IGSF9B: variants seen among roughly 807,000 people sequenced by gnomAD.
IGSF9B encodes protein turtle homolog B.
A neutral mutation model predicts 143.7 loss-of-function variants in IGSF9B; 48 were observed. The observed-to-expected ratio is 0.33, with a 90% CI of 0.26 to 0.42. The LOEUF is 0.42. IGSF9B is among the 20% of genes least tolerant of loss of function. IGSF9B has a pLI of 1.00. For synonymous variants in IGSF9B, 903 were observed against 833.1 expected (o/e 1.08, Z -1.44); for missense variants, 1,706 against 1,980.0 (o/e 0.86, Z 2.63).
rs1464520446 is a variant in IGSF9B at position 133,907,056 on chromosome 11, GC to G, written c.*2012del. ...GCCCAGTGGTCAAGTGGATTCCAAC[GC>G]CCCAGAGAAGCACATCAACTGGAAG... On this transcript the variant is annotated 3_prime_UTR_variant, in exon 20 of 20. Coordinates refer to ENST00000533871, the MANE Select transcript of IGSF9B (RefSeq NM_001277285.4). Among the ~76,000 whole-genome samples the G allele has an allele frequency of 6.6e-6, 1 of 152,098 alleles. No individual in the cohort carries two copies. Among genetic ancestry groups the G allele is most frequent in the Non-Finnish European group, 1.5e-5 (1 of 68,028 alleles).
In IGSF9B at chr11:133,925,767, C is replaced by T; in HGVS notation, c.2006G>A (p.Gly669Glu). The T allele has an allele frequency of 6.2e-7, 1 of 1,613,704 alleles. No individual in the cohort carries two copies. The highest frequency in any genetic ancestry group is 1.7e-5 in the Admixed American group (1 of 59,992). ...LLDDGIPGTE[G>E]EFFAKDLSQD... The stretch of plus-strand genomic sequence containing the variant: ...TGACAGATCCTTGGCAAAGAACTCT[C>T]CTTCGGTGCCGGGGATGCCATCGTC... The change falls in exon 14 of 20, where the codon GGA (glycine) becomes GAA (glutamate). Residue 669 changes from glycine (G) to glutamate (E), a missense_variant. By Grantham distance (98) the Gly-to-Glu change is moderately conservative. Coordinates refer to ENST00000533871, the MANE Select transcript of IGSF9B (RefSeq NM_001277285.4).
intron 3 of IGSF9B, among the ~76,000 whole-genome samples, chr11:133,941,324 A>G (rs1939953096): frequency 6.6e-6 from 1 of 152,186 alleles, no homozygotes; most frequent in South Asian, 2.1e-4. Flanking sequence ...GGGGTATTTT[A>G]TATGTGATAA....
At chr11:133,951,136 G>A (rs893641594) in intron 1 of IGSF9B, among the ~76,000 whole-genome samples, 8 of 152,180 alleles carry the variant, frequency 5.3e-5, no homozygotes, top group African/African-American at 1.4e-4. Flanking sequence ...GGAGGAAGGC[G>A]GGACCCAAAG....
chr11:133,931,367 G>A lies in IGSF9B; in HGVS notation c.1368+86C>T, dbSNP rs329671. ...ACACCTCCCCTCAGCCCCGGGGCTC[G>A]CTGGGCCCTCAAACCTCCCCGCAGC... On this transcript the variant is annotated intron_variant, in intron 10 of 19. Transcript: ENST00000533871. This position sits in a 1 kb window ranked among gnomAD's most constrained non-coding sequence, Gnocchi z 7.7. The A allele has an allele frequency of 0.33, 331,311 of 989,458 alleles. 57,689 individuals carry two copies. The highest frequency in any genetic ancestry group is 0.36 in the Non-Finnish European group (234,494 of 654,564). The allele number at this position is 989,458 out of a possible 1,614,324, so 61.3% of individuals were successfully genotyped here.
chr11:133,944,430 C>T, intron 2 of IGSF9B, 64 bp from the exon 3 acceptor site: 2 of 1,536,156 alleles, frequency 1.3e-6, no homozygotes, highest in South Asian at 1.1e-5. Flanking sequence ...CTCCCCGCCC[C>T]CTGCCCCAGC....
At chr11:133,934,700 C>G (rs1158951568) in intron 7 of IGSF9B, among the ~76,000 whole-genome samples, 10 of 152,162 alleles carry the variant, frequency 6.6e-5, no homozygotes, top group Admixed American at 6.5e-4. Context: ...CTCTGGGCAG[C>G]AGTCGGACCA....
rs567127167 is a variant in IGSF9B, at chr11:133,927,043, C to T, written c.1680G>A (p.Val560=). ...FGPHDWLSLP[V]PPGPSWLLVD... is the part of the protein sequence containing the mutation. ...CCAGCAGCCAGCTGGGTCCTGGCGG[C>T]ACTGGCAAGGACAGCCAGTCATGGG... The change falls in exon 13 of 20, where the codon GTG becomes GTA. Residue 560 remains valine, a synonymous_variant. Coordinates refer to ENST00000533871, the MANE Select transcript of IGSF9B (RefSeq NM_001277285.4). 8 of 1,564,098 alleles carry T rather than the reference C, an allele frequency of 5.1e-6. No individual in the cohort carries two copies. The highest frequency in any genetic ancestry group is 6.9e-6 in the Non-Finnish European group (8 of 1,154,420).
chr11:133,943,872 C>A (rs567118719), intron 3 of IGSF9B, among the ~76,000 whole-genome samples: 1 of 152,200 alleles, frequency 6.6e-6, no homozygotes, highest in African/African-American at 2.4e-5. Context: ...AGGGTCTTCC[C>A]AAGGCTGGGA....
At chr11:133,922,488 T>G (rs1270867452) in intron 16 of IGSF9B, 81 bp downstream of exon 16, 2 of 1,374,160 alleles carry the variant, frequency 1.5e-6, no homozygotes, top group African/African-American at 2.8e-5. Context: ...AGGGGGGCCA[T>G]GCTAAAAATG....
rs1393237566 is a variant in IGSF9B, at chr11:133,898,819, C to A, written c.*10250G>T. On this transcript the variant is annotated 3_prime_UTR_variant, in exon 20 of 20. Coordinates refer to ENST00000533871, the MANE Select transcript of IGSF9B (RefSeq NM_001277285.4). Reference sequence around the variant, plus strand: ...TCCACCCTCCAATGCCACAGGCAACCCCCTGTGGACAGGAAGTGTGTGTGC... The same window carrying A: ...TCCACCCTCCAATGCCACAGGCAACACCCTGTGGACAGGAAGTGTGTGTGC... 1 of 152,280 alleles carries A rather than the reference C, an allele frequency of 6.6e-6. No individual in the cohort carries two copies. The highest frequency in any genetic ancestry group is 2.4e-5 in the African/African-American group (1 of 41,450). The allele number at this position is 152,280 out of a possible 1,614,324, so 9.4% of individuals were successfully genotyped here. A position where few individuals can be genotyped will look rare whatever the true frequency, so the allele number is the denominator to read the frequency against.
rs1473659080 is a variant in IGSF9B, at chr11:133,905,340, T to C, written c.*3729A>G. 6.6e-6 allele frequency among the ~76,000 whole-genome samples: 1 copy of C among 151,698 alleles called. No individual in the cohort carries two copies. Among genetic ancestry groups the C allele is most frequent in the East Asian group, 1.9e-4 (1 of 5,154 alleles). ...CCCTGGAGATTCAGATCGTGGGCAGTGCCAAAGATGCTGGAGGCTCCGTGA... is the reference window on the plus strand; with the variant it reads ...CCCTGGAGATTCAGATCGTGGGCAGCGCCAAAGATGCTGGAGGCTCCGTGA... On this transcript the variant is annotated 3_prime_UTR_variant, in exon 20 of 20. Transcript: ENST00000533871. This position sits in a 1 kb window ranked among gnomAD's most constrained non-coding sequence, Gnocchi z 4.0.
At chr11:133,947,435 C>A (rs1221840316) in intron 1 of IGSF9B, among the ~76,000 whole-genome samples, 1 of 152,344 alleles carries the variant, frequency 6.6e-6, no homozygotes. Context: ...AGGCCGGGCA[C>A]CCGACTCTCC....
At chr11:133,912,302 T>C (rs1188527351) in intron 18 of IGSF9B, 5 of 554,786 alleles carry the variant, frequency 9.0e-6, no homozygotes, top group Middle Eastern at 2.7e-4. Context: ...CACCTTCCCA[T>C]GTAACGCAAG....
rs1218880620 is a variant in IGSF9B, at chr11:133,902,327, T to C, written c.*6742A>G. On this transcript the variant is annotated 3_prime_UTR_variant, in exon 20 of 20. Transcript: ENST00000533871. ...GCACACCACAGATACACACACACCA[T>C]ACCACACACACCCCACACACATACA... Among the ~76,000 whole-genome samples the C allele has an allele frequency of 1.8e-5, 2 of 111,556 alleles. No homozygotes were observed. Among genetic ancestry groups the C allele is most frequent in the Admixed American group, 9.1e-5 (1 of 10,972 alleles). 73.2% of individuals were successfully genotyped at this position (111,556 alleles called of 152,430 possible). A position where few individuals can be genotyped will look rare whatever the true frequency, so the allele number is the denominator to read the frequency against.
rs1182694452 is a variant in IGSF9B, at chr11:133,937,260, C to T, written c.679+116G>A. On this transcript the variant is annotated intron_variant, in intron 5 of 19. Transcript: ENST00000533871. ...GGAGCCCCGCACAGGTCCTCATGGCCGCCTGCACCTCCACTAGCCCCAGCT... is the reference window on the plus strand; with the variant it reads ...GGAGCCCCGCACAGGTCCTCATGGCTGCCTGCACCTCCACTAGCCCCAGCT... 21 of 709,552 alleles carry T rather than the reference C, an allele frequency of 3.0e-5. 1 individual carries two copies. Among genetic ancestry groups the T allele is most frequent in the South Asian group, 1.7e-4 (9 of 52,742 alleles). 44.0% of individuals were successfully genotyped at this position (709,552 alleles called of 1,614,324 possible). A position where few individuals can be genotyped will look rare whatever the true frequency, so the allele number is the denominator to read the frequency against.
At chr11:133,927,164 C>T in intron 12 of IGSF9B, 73 bp from the exon 13 acceptor site, 3 of 1,221,364 alleles carry the variant, frequency 2.5e-6, no homozygotes, top group Non-Finnish European at 3.4e-6. Context: ...AGGGTGCATG[C>T]AGGGTGCTCA....
In IGSF9B at chr11:133,944,351, T is replaced by C; in HGVS notation, c.278A>G (p.His93Arg). The change falls in exon 3 of 20, where the codon CAT becomes CGT. Residue 93 changes from histidine to arginine, a missense_variant. Transcript: ENST00000533871. The stretch of plus-strand genomic sequence containing the variant: ...TTCCAGCCGCAGAGATGCCTTATCA[T>C]GAAGACTGGCCCGGCCTGGGGGAAT... ...DPEYAGRASL[H>R]DKASLRLEQV... The C allele has an allele frequency of 1.2e-6, 2 of 1,613,742 alleles. No individual in the cohort carries two copies. Among genetic ancestry groups the C allele is most frequent in the Non-Finnish European group, 1.7e-6 (2 of 1,179,862 alleles).
intron 13 of IGSF9B, 28 bp downstream of exon 13, chr11:133,926,888 C>T (rs754062351): frequency 2.6e-6 from 4 of 1,548,334 alleles, no homozygotes; most frequent in Non-Finnish European, 3.5e-6. Context: ...ACAACCCCCG[C>T]TCCCAACATC....
In IGSF9B at chr11:133,903,644, A is replaced by C. The variant is rs1939173418; in HGVS notation, c.*5425T>G. On this transcript the variant is annotated 3_prime_UTR_variant, in exon 20 of 20. Coordinates refer to ENST00000533871, the MANE Select transcript of IGSF9B (RefSeq NM_001277285.4). ...GGTGTCTTTGGACCAAATTCAATCT[A>C]CTGAGTGTTTTTCTAACAGCTTAAA... 1.3e-5 allele frequency among the ~76,000 whole-genome samples: 2 copies of C among 152,166 alleles called. No homozygotes were observed. The highest frequency in any genetic ancestry group is 2.9e-5 in the Non-Finnish European group (2 of 68,030).
Sources: gnomAD v4.1 joint callset for allele counts (sites outside exome capture counted in the v4.1 genomes callset) on GRCh38, gnomAD v4.1.1 for gene constraint, Gnocchi (gnomAD v3.1) non-coding constraint, MANE v1.5 for transcripts, NCBI Gene and HGNC (gene_info 2026-07-23, HGNC 2026-07-21) for gene names.